The following SERP2 variants were observed in gnomAD, a reference collection of about 807,000 sequenced individuals.
SERP2 encodes the protein stress associated endoplasmic reticulum protein family member 2.
In SERP2, 6 loss-of-function variants were observed where a neutral mutation model predicts 9.1. The observed-to-expected ratio is 0.66, with a 90% CI of 0.36 to 1.30. The LOEUF (loss-of-function observed/expected upper bound fraction) is 1.30, where lower values mean the gene tolerates loss of function less well. Ranked by LOEUF, SERP2 falls within the 50% of genes most tolerant of loss-of-function variation. SERP2 has a pLI of 0.03. For synonymous variants in SERP2, 37 were observed against 27.3 expected (o/e 1.35, Z -1.10); for missense variants, 58 against 81.9 (o/e 0.71, Z 1.13).
chr13:44,387,476 G>A (rs946580682), intron 2 of SERP2, among the ~76,000 whole-genome samples: 2 of 152,192 alleles, frequency 1.3e-5, no homozygotes, highest in African/African-American at 4.8e-5. Context: ...CAAGACAGCT[G>A]TCTTCGGCAT....
intron 2 of SERP2, among the ~76,000 whole-genome samples, chr13:44,388,383 T>C (rs1872449142): frequency 6.6e-6 from 1 of 152,216 alleles, no homozygotes; most frequent in African/African-American, 2.4e-5. Context: ...TGCATGTCTG[T>C]GTGTATGTAC....
chr13:44,395,191 A>G (rs1873017040), intron 2 of SERP2, among the ~76,000 whole-genome samples: 1 of 152,220 alleles, frequency 6.6e-6, no homozygotes, highest in African/African-American at 2.4e-5. Flanking sequence ...GAGCCAGAAT[A>G]CAGAATGTTT....
intron 2 of SERP2, among the ~76,000 whole-genome samples, chr13:44,392,040 C>CA (rs1309307998): frequency 5.3e-5 from 8 of 150,288 alleles, no homozygotes; most frequent in East Asian, 2.0e-4. Context: ...ATTAAAAATA[C>CA]AAAAAAAATT....
intron 1 of SERP2, 93 bp downstream of exon 1, chr13:44,374,202 G>A (rs1440426372): frequency 2.3e-6 from 2 of 856,964 alleles, no homozygotes; most frequent in Non-Finnish European, 3.3e-6. Context: ...AGCGGCGCAG[G>A]GTCCGGCCTC....
At chr13:44,388,747 A>G (rs1376243582) in intron 2 of SERP2, among the ~76,000 whole-genome samples, 1 of 152,196 alleles carries the variant, frequency 6.6e-6, no homozygotes. Context: ...ACAGATGTGA[A>G]GAAGTGATTC....
rs1265714195 is a variant in SERP2, at chr13:44,397,351, G to C, written c.*39G>C. On this transcript the variant is annotated 3_prime_UTR_variant, in exon 3 of 3. Coordinates refer to ENST00000379179, the MANE Select transcript of SERP2 (RefSeq NM_001010897.3). ...TTGACACCACCTCCCTCCCACTGGA[G>C]GCGGGAGGACAACGGAAGCGGTCAG... 9 of 1,538,224 alleles carry C rather than the reference G, an allele frequency of 5.9e-6. No homozygotes were observed. The Middle Eastern group carries it at 5.1e-4, about 87-fold the overall frequency.
chr13:44,390,446 G>A lies in SERP2; in HGVS notation c.158-6826G>A, dbSNP rs746784012. ...AGGGAGTCACCCCACCCCCAAGACCGGCAACTGAGATGTTTAAAGGAACTG... is the reference window on the plus strand; with the variant it reads ...AGGGAGTCACCCCACCCCCAAGACCAGCAACTGAGATGTTTAAAGGAACTG... On this transcript the variant is annotated intron_variant, in intron 2 of 2. Transcript: ENST00000379179. The A allele has an allele frequency of 4.8e-5, 22 of 456,494 alleles. No individual in the cohort carries two copies. In the East Asian group the frequency reaches 6.3e-4, roughly 13 times the overall value. The allele number at this position is 456,494 out of a possible 1,614,324, so 28.3% of individuals were successfully genotyped here.
chr13:44,391,124 C>T (rs1013220341), intron 2 of SERP2: 1 of 152,178 alleles, frequency 6.6e-6, no homozygotes, highest in Admixed American at 6.5e-5. Flanking sequence ...AGCTTTCTGA[C>T]ACTTTCCTAT....
intron 2 of SERP2, among the ~76,000 whole-genome samples, chr13:44,380,798 T>A (rs893831281): frequency 6.6e-6 from 1 of 152,208 alleles, no homozygotes; most frequent in Admixed American, 6.5e-5. Flanking sequence ...ACCCAATCCC[T>A]ATTTGAATAC....
chr13:44,390,607 G>T, intron 2 of SERP2: 1 of 305,864 alleles, frequency 3.3e-6, no homozygotes, highest in South Asian at 2.6e-5. Context: ...TGTGCCCTGG[G>T]GGCATTTGGG....
At chr13:44,381,957 C>T (rs1007108838) in intron 2 of SERP2, among the ~76,000 whole-genome samples, 2 of 151,418 alleles carry the variant, frequency 1.3e-5, no homozygotes, top group Admixed American at 6.6e-5. Flanking sequence ...TTTGTAGATC[C>T]TAGTTTAGTA....
At chr13:44,387,975 C>T (rs545281902) in intron 2 of SERP2, among the ~76,000 whole-genome samples, 4 of 152,246 alleles carry the variant, frequency 2.6e-5, no homozygotes, top group East Asian at 1.9e-4. Context: ...AACTGACAAA[C>T]GTTTATTCCC....
rs1004129372 is a variant in SERP2, at chr13:44,376,698, C to A, written c.84+2589C>A. On this transcript the variant is annotated intron_variant, in intron 1 of 2. Coordinates refer to ENST00000379179, the MANE Select transcript of SERP2 (RefSeq NM_001010897.3). ...GCTGAGGCATGAGAATGGCTTGAACCCGGGAGGCAGAGGTTGCAGTCAGCC... is the reference window on the plus strand; with the variant it reads ...GCTGAGGCATGAGAATGGCTTGAACACGGGAGGCAGAGGTTGCAGTCAGCC... Among the ~76,000 whole-genome samples the A allele has an allele frequency of 3.3e-5, 5 of 151,906 alleles. No individual in the cohort carries two copies. In the East Asian group the frequency reaches 5.8e-4, roughly 18 times the overall value.
intron 2 of SERP2, among the ~76,000 whole-genome samples, chr13:44,381,558 A>G (rs1338033765): frequency 6.6e-6 from 1 of 152,236 alleles, no homozygotes; most frequent in Non-Finnish European, 1.5e-5. Flanking sequence ...AAAGTATAGC[A>G]TTTGCAACTG....
chr13:44,389,333 GTTC>G (rs1330957487), intron 2 of SERP2, among the ~76,000 whole-genome samples: 1 of 152,252 alleles, frequency 6.6e-6, no homozygotes, highest in South Asian at 2.1e-4. Flanking sequence ...CTAAGACTCA[GTTC>G]TTCTCTTCTT....
intron 2 of SERP2, among the ~76,000 whole-genome samples, chr13:44,381,827 ATTATT>A (rs1198354953): frequency 6.6e-6 from 1 of 152,150 alleles, no homozygotes. Context: ...TCCATCACAT[ATTATT>A]TTATTTTACT....
intron 1 of SERP2, among the ~76,000 whole-genome samples, chr13:44,374,682 C>G (rs1176836173): frequency 1.3e-5 from 2 of 152,160 alleles, no homozygotes; most frequent in Non-Finnish European, 2.9e-5. Context: ...CTTTCCAGCC[C>G]CTTTGTGACG....
chr13:44,374,246 G>C, intron 1 of SERP2, 137 bp downstream of exon 1: 1 of 554,130 alleles, frequency 1.8e-6, no homozygotes, highest in Non-Finnish European at 2.9e-6. Context: ...GCGGGGTCCT[G>C]CAGAGTGGGG....
At chr13:44,386,993 T>C (rs1872353579) in intron 2 of SERP2, among the ~76,000 whole-genome samples, 1 of 152,222 alleles carries the variant, frequency 6.6e-6, no homozygotes, top group African/African-American at 2.4e-5. Flanking sequence ...TCTTTCCAGA[T>C]AAGCAGCTCA....
Sources: allele counts gnomAD v4.1 joint callset (sites outside exome capture counted in the v4.1 genomes callset), GRCh38; gene constraint gnomAD v4.1.1; transcripts MANE v1.5; gene names NCBI Gene and HGNC (gene_info 2026-07-23, HGNC 2026-07-21).